TMEM108: variants seen among roughly 807,000 people sequenced by gnomAD.
TMEM108 encodes cancer/testis antigen 124.
TMEM108 carries 12 observed loss-of-function variants against 35.1 expected under a neutral mutation model. The ratio of observed to expected loss-of-function variants is 0.34; its 90% confidence interval spans 0.22 to 0.55. The LOEUF is 0.55. TMEM108 is among the 20% of genes least tolerant of loss of function. TMEM108 has a pLI of 0.89. For synonymous variants in TMEM108, 287 were observed against 308.6 expected, an observed-to-expected ratio of 0.93 and a Z score of 0.73; for missense variants, 680 against 753.3, an observed-to-expected ratio of 0.90 and a Z score of 1.14.
At chr3:133,098,228 A>G (rs1375963093) in intron 2 of TMEM108, among the ~76,000 whole-genome samples, 5 of 152,180 alleles carry the variant, frequency 3.3e-5, no homozygotes, top group African/African-American at 4.8e-5. Flanking sequence ...GCAAGAGAAA[A>G]ATGAGGAAGA....
intron 2 of TMEM108, among the ~76,000 whole-genome samples, chr3:133,154,476 G>A (rs1011433922): frequency 1.3e-5 from 2 of 152,110 alleles, no homozygotes; most frequent in Non-Finnish European, 2.9e-5. Context: ...GTCCAACAAC[G>A]ATAGACTGGA....
chr3:133,176,256 A>AG (rs1334585004), intron 2 of TMEM108, among the ~76,000 whole-genome samples: 2 of 151,540 alleles, frequency 1.3e-5, no homozygotes, highest in East Asian at 3.9e-4. Context: ...AACATTAGAC[A>AG]GATCAACAAG....
At chr3:133,135,159 T>A (rs1007267320) in intron 2 of TMEM108, among the ~76,000 whole-genome samples, 4 of 105,652 alleles carry the variant, frequency 3.8e-5, no homozygotes, top group African/African-American at 1.8e-4. Context: ...CTGCTATCGT[T>A]TTTTTTTTTT....
At chr3:133,383,962 C>T (rs779591575) in intron 4 of TMEM108, among the ~76,000 whole-genome samples, 2 of 152,150 alleles carry the variant, frequency 1.3e-5, no homozygotes, top group Non-Finnish European at 2.9e-5. Flanking sequence ...GCGGGACCAT[C>T]GTTAACCCTG....
intron 4 of TMEM108, among the ~76,000 whole-genome samples, chr3:133,385,165 G>A (rs886275144): frequency 3.9e-5 from 6 of 152,314 alleles, no homozygotes; most frequent in Non-Finnish European, 1.5e-5. Context: ...ACCCGGGTGA[G>A]AATGACTCTT....
chr3:133,340,592 CCAGA>C lies in TMEM108; in HGVS notation c.41-39155_41-39152del, dbSNP rs2071633387. Among the ~76,000 whole-genome samples the C allele has an allele frequency of 2.0e-5, 3 of 151,500 alleles. No individual in the cohort carries two copies. The South Asian group carries it at 6.2e-4, about 31-fold the overall frequency. On this transcript the variant is annotated intron_variant, in intron 3 of 5. Coordinates refer to ENST00000321871, the MANE Select transcript of TMEM108 (RefSeq NM_023943.4). Reference sequence around the variant, plus strand: ...GACCAGTATCACCCTGATACCAAAACCAGACAGAGACACATCAAAAAAAAACAAA... The same window carrying C: ...GACCAGTATCACCCTGATACCAAAACCAGAGACACATCAAAAAAAAACAAA...
At chr3:133,068,760 C>A (rs552643650) in intron 2 of TMEM108, among the ~76,000 whole-genome samples, 4 of 152,192 alleles carry the variant, frequency 2.6e-5, no homozygotes, top group African/African-American at 9.6e-5. Context: ...TCCTTGTCCT[C>A]TAGAAGTTGT....
Position 133,236,219 on chromosome 3 carries a change from T to C in TMEM108, c.40+6868T>C, listed in dbSNP as rs532933711. On this transcript the variant is annotated intron_variant, in intron 3 of 5. Coordinates refer to ENST00000321871, the MANE Select transcript of TMEM108 (RefSeq NM_023943.4). ...GTATTGTTACTCTAGTACACCCTGC[T>C]AGCTCATTCATGCACCCTTTGCATC... is the stretch of plus-strand genomic sequence containing the variant. Among the ~76,000 whole-genome samples, 78 of 152,264 alleles carry C rather than the reference T, an allele frequency of 5.1e-4. No individual in the cohort carries two copies. In the South Asian group the frequency reaches 0.016, roughly 32 times the overall value.
chr3:133,289,883 A>C (rs1436578611), intron 3 of TMEM108, among the ~76,000 whole-genome samples: 1 of 152,196 alleles, frequency 6.6e-6, no homozygotes, highest in Non-Finnish European at 1.5e-5. Context: ...GGACCATCCA[A>C]GTATTTGTTC....
chr3:133,084,876 A>G (rs898237886), intron 2 of TMEM108, among the ~76,000 whole-genome samples: 3 of 152,174 alleles, frequency 2.0e-5, no homozygotes, highest in Non-Finnish European at 4.4e-5. Flanking sequence ...TAAGGAAACC[A>G]TAGTGCAAAG....
chr3:133,391,387 A>C (rs1185061874), intron 5 of TMEM108, among the ~76,000 whole-genome samples: 2 of 152,020 alleles, frequency 1.3e-5, no homozygotes, highest in Non-Finnish European at 2.9e-5. Flanking sequence ...TGGAGGTGCA[A>C]CCCCACCCCT....
At chr3:133,251,084 ATC>A (rs1301030713) in intron 3 of TMEM108, among the ~76,000 whole-genome samples, 1 of 152,110 alleles carries the variant, frequency 6.6e-6, no homozygotes, top group African/African-American at 2.4e-5. Context: ...CTTTCCTAGG[ATC>A]TCAGCCAGTC....
rs1458468539 is a variant in TMEM108 at position 133,167,687 on chromosome 3, T to C, written c.-46-61579T>C. On this transcript the variant is annotated intron_variant, in intron 2 of 5. Transcript: ENST00000321871. ...AGTGCCACCGGCCGACCGCTCGGAG[T>C]GTGGGGCCCGCCGAGCCCACACCCA... 3.3e-5 allele frequency among the ~76,000 whole-genome samples: 5 copies of C among 151,998 alleles called. No individual in the cohort carries two copies. The East Asian group carries it at 5.8e-4, about 18-fold the overall frequency.
intron 3 of TMEM108, among the ~76,000 whole-genome samples, chr3:133,341,960 G>A (rs2071672647): frequency 6.6e-6 from 1 of 151,770 alleles, no homozygotes; most frequent in Non-Finnish European, 1.5e-5. Context: ...AACCCTCCAG[G>A]ACATTGAACT....
At chr3:133,078,317 G>T (rs1943769963) in intron 2 of TMEM108, among the ~76,000 whole-genome samples, 1 of 152,002 alleles carries the variant, frequency 6.6e-6, no homozygotes. Context: ...ATCACCTCAG[G>T]GATGGCTCCA....
chr3:133,387,549 G>C, intron 4 of TMEM108: 3 of 985,364 alleles, frequency 3.0e-6, no homozygotes, highest in Non-Finnish European at 3.6e-6. Context: ...GGACTCGGGG[G>C]CGGAGGACTT....
chr3:133,180,153 A>T (rs1453984805), intron 2 of TMEM108, among the ~76,000 whole-genome samples: 2 of 152,140 alleles, frequency 1.3e-5, no homozygotes, highest in African/African-American at 4.8e-5. Context: ...CTTTTATCAA[A>T]AGGGAAAATT....
intron 4 of TMEM108, chr3:133,389,378 A>G: frequency 1.0e-6 from 1 of 985,558 alleles, no homozygotes; most frequent in Non-Finnish European, 1.2e-6. Flanking sequence ...GGCAGGAATC[A>G]GCTGGTAAGA....
intron 2 of TMEM108, among the ~76,000 whole-genome samples, chr3:133,081,998 G>A (rs1050628202): frequency 1.3e-5 from 2 of 152,206 alleles, no homozygotes; most frequent in Non-Finnish European, 2.9e-5. Flanking sequence ...CTTCAAAGCC[G>A]TGGCAGATCC....
Sources: allele counts gnomAD v4.1 joint callset (sites outside exome capture counted in the v4.1 genomes callset), GRCh38; gene constraint gnomAD v4.1.1; transcripts MANE v1.5; gene names NCBI Gene and HGNC (gene_info 2026-07-23, HGNC 2026-07-21).